Variants in MTMR1 observed in about 807,000 individuals in gnomAD.
The protein encoded by MTMR1 is phosphatidylinositol-3-phosphate phosphatase MTMR1.
MTMR1 carries 17 observed loss-of-function variants against 51.6 expected under a neutral mutation model. That is an observed-to-expected ratio of 0.33 (90% CI 0.23 to 0.49). The LOEUF (loss-of-function observed/expected upper bound fraction) is 0.49. Among genes scored for constraint, MTMR1 ranks in the 20% least tolerant of loss-of-function variants. The pLI, the probability that MTMR1 is intolerant of heterozygous loss-of-function variation, is 0.99. For missense variants in MTMR1, 386 were observed against 526.9 expected, an observed-to-expected ratio of 0.73 and a Z score of 2.62; for synonymous variants, 201 against 205.6, an observed-to-expected ratio of 0.98 and a Z score of 0.19.
In MTMR1 at chrX:150,764,282, C is replaced by T. The variant is rs189468726; in HGVS notation, c.*1553C>T. ...TTAACTGGGAACCTCCTGATTCTTA[C>T]GGAAAATTATCCTTCTATAAGAAGA... is the stretch of plus-strand genomic sequence containing the variant. On this transcript the variant is annotated 3_prime_UTR_variant, in exon 16 of 16. Coordinates refer to ENST00000445323, the MANE Select transcript of MTMR1 (RefSeq NM_001306144.3). 1.1e-3 allele frequency: 119 copies of T among 112,144 alleles called. No homozygotes were observed. The highest frequency in any genetic ancestry group is 3.5e-3 in the African/African-American group (108 of 30,845). 9.2% of individuals were successfully genotyped at this position (112,144 alleles called of 1,213,427 possible).
intron 8 of MTMR1, among the ~76,000 whole-genome samples, chrX:150,730,810 C>T (rs896469626): frequency 8.9e-6 from 1 of 112,065 alleles, no homozygotes; most frequent in African/African-American, 3.2e-5. Flanking sequence ...GTTTGTTCAT[C>T]CTGTTTCCAG....
chrX:150,714,935 T>C (rs1569565652), intron 3 of MTMR1, among the ~76,000 whole-genome samples: 1 of 112,065 alleles, frequency 8.9e-6, no homozygotes, highest in Non-Finnish European at 1.9e-5. Flanking sequence ...CATGTAGATA[T>C]TTGTGGAATT....
At chrX:150,744,275 G>A (rs1470156746) in intron 12 of MTMR1, 86 bp from the exon 13 acceptor site, 2 of 708,582 alleles carry the variant, frequency 2.8e-6, no homozygotes, top group African/African-American at 4.3e-5. Flanking sequence ...CTGATGAGAT[G>A]TGATTCTTAC....
In MTMR1 at chrX:150,760,859, G is replaced by A. The variant is rs72612724; in HGVS notation, c.1858-1706G>A. Among the ~76,000 whole-genome samples, 164 of 109,191 alleles carry A rather than the reference G, an allele frequency of 1.5e-3. No individual in the cohort carries two copies. In the East Asian group the frequency reaches 0.029, roughly 20 times the overall value. 94.8% of individuals were successfully genotyped at this position (109,191 alleles called of 115,157 possible). On this transcript the variant is annotated intron_variant, in intron 15 of 15. Transcript: ENST00000445323. ...GGAGAATCGCTTGAATTCGGGAGGC[G>A]GAGGTTGCAGTGAGCTGAGATCGTG...
At chrX:150,760,261 C>G (rs1389467529) in intron 15 of MTMR1, among the ~76,000 whole-genome samples, 2 of 102,675 alleles carry the variant, frequency 1.9e-5, no homozygotes, top group Non-Finnish European at 4.1e-5. Flanking sequence ...GTGTGGGTGT[C>G]CAGTGACAGG....
chrX:150,749,709 G>A (rs782621791), intron 13 of MTMR1, among the ~76,000 whole-genome samples: 9 of 112,432 alleles, frequency 8.0e-5, no homozygotes, highest in African/African-American at 2.9e-4. Context: ...GTGAATTACA[G>A]TAATTGATTT....
At chrX:150,761,395 C>T (rs1470900069) in intron 15 of MTMR1, among the ~76,000 whole-genome samples, 1 of 112,380 alleles carries the variant, frequency 8.9e-6, no homozygotes, top group Non-Finnish European at 1.9e-5. Context: ...ATCCTCCTTC[C>T]GTCTCCCCCT....
At position 150,764,401 on chromosome X, in the gene MTMR1, A is replaced by G. The variant is rs1167415972; in HGVS notation, c.*1672A>G. Reference sequence around the variant, plus strand: ...GATTTGTTGCTAAGTCGTGTTCAACAATAGCTTTTATGTTCCTAACATATC... The same window carrying G: ...GATTTGTTGCTAAGTCGTGTTCAACGATAGCTTTTATGTTCCTAACATATC... On this transcript the variant is annotated 3_prime_UTR_variant, in exon 16 of 16. Transcript: ENST00000445323. 5.3e-5 allele frequency: 6 copies of G among 112,342 alleles called. No homozygotes were observed. The highest frequency in any genetic ancestry group is 1.9e-4 in the African/African-American group (6 of 30,850). The allele number at this position is 112,342 out of a possible 1,213,427, so 9.3% of individuals were successfully genotyped here. A position where few individuals can be genotyped will look rare whatever the true frequency, so the allele number is the denominator to read the frequency against.
chrX:150,693,944 GC>G (rs1465811384), intron 1 of MTMR1, among the ~76,000 whole-genome samples: 7 of 111,470 alleles, frequency 6.3e-5, no homozygotes, highest in African/African-American at 2.3e-4. Context: ...CCCGGGAGGG[GC>G]TTCGCAGCTG....
intron 15 of MTMR1, among the ~76,000 whole-genome samples, chrX:150,758,795 C>CA (rs1265592050): frequency 0.025 from 1,646 of 65,519 alleles, 27 homozygotes; most frequent in African/African-American, 0.067. Context: ...GACTCCGTCT[C>CA]AAAAAAAAAA....
At chrX:150,751,107 C>T (rs781986931) in intron 14 of MTMR1, 13 of 1,069,867 alleles carry the variant, frequency 1.2e-5, no homozygotes, top group African/African-American at 3.7e-5. Flanking sequence ...CTCCTGACTC[C>T]GAGTTCATGT....
rs1015513578 is a variant in MTMR1 at position 150,764,716 on chromosome X, T to C, written c.*1987T>C. On this transcript the variant is annotated 3_prime_UTR_variant, in exon 16 of 16. Coordinates refer to ENST00000445323, the MANE Select transcript of MTMR1 (RefSeq NM_001306144.3). Reference sequence around the variant, plus strand: ...GATTTTAAAGAAGCACAACGGGTCATTTTCCTTTGTATGTTCCTAGCGCAG... The same window carrying C: ...GATTTTAAAGAAGCACAACGGGTCACTTTCCTTTGTATGTTCCTAGCGCAG... The C allele has an allele frequency of 8.9e-6, 1 of 112,366 alleles. No homozygotes were observed. Among genetic ancestry groups the C allele is most frequent in the African/African-American group, 3.2e-5 (1 of 30,867 alleles). 9.3% of individuals were successfully genotyped at this position (112,366 alleles called of 1,213,427 possible). A position where few individuals can be genotyped will look rare whatever the true frequency, so the allele number is the denominator to read the frequency against.
intron 3 of MTMR1, chrX:150,714,564 A>G: frequency 1.1e-6 from 1 of 946,719 alleles, no homozygotes; most frequent in Non-Finnish European, 1.4e-6. Flanking sequence ...GTTTGTAGCT[A>G]CAGATCGTGT....
chrX:150,713,510 T>C (rs1247421092), intron 3 of MTMR1, among the ~76,000 whole-genome samples: 1 of 111,908 alleles, frequency 8.9e-6, no homozygotes, highest in Non-Finnish European at 1.9e-5. Flanking sequence ...GCTTTACTAG[T>C]TCTTCACTGG....
At chrX:150,758,939 C>A (rs1474903344) in intron 15 of MTMR1, among the ~76,000 whole-genome samples, 1 of 112,438 alleles carries the variant, frequency 8.9e-6, no homozygotes, top group Non-Finnish European at 1.9e-5. Flanking sequence ...CAGATGAGAA[C>A]TGAGTTTGAA....
intron 2 of MTMR1, among the ~76,000 whole-genome samples, chrX:150,707,463 C>T (rs369679505): frequency 2.2e-3 from 246 of 112,456 alleles, no homozygotes; most frequent in African/African-American, 7.0e-3. Context: ...ATACACATGG[C>T]AGGTAAGCAC....
intron 10 of MTMR1, among the ~76,000 whole-genome samples, chrX:150,734,689 A>T (rs1469106805): frequency 4.4e-5 from 5 of 112,634 alleles, no homozygotes; most frequent in African/African-American, 1.6e-4. Flanking sequence ...ATGGCAGTAT[A>T]TGTGTCTAGG....
intron 15 of MTMR1, among the ~76,000 whole-genome samples, chrX:150,756,477 C>T (rs2042906599): frequency 9.0e-6 from 1 of 111,437 alleles, no homozygotes; most frequent in Admixed American, 9.5e-5. Context: ...GCTGCGGGTT[C>T]CTGAAGGGCT....
In MTMR1 at chrX:150,698,618, CT is replaced by C. The variant is rs1569565615; in HGVS notation, c.147-576del. Among the ~76,000 whole-genome samples the C allele has an allele frequency of 2.1e-4, 23 of 108,607 alleles. No individual in the cohort carries two copies. In the East Asian group the frequency reaches 5.5e-3, roughly 26 times the overall value. The allele number at this position is 108,607 out of a possible 115,157, so 94.3% of individuals were successfully genotyped here. ...TTGGGAGGCTAAGGCGGGTGGGTCA[CT>C]CGAGCCCAGGAATTCGAGACTAGCC... On this transcript the variant is annotated intron_variant, in intron 1 of 15. Transcript: ENST00000445323.
Sources: allele counts gnomAD v4.1 joint callset (sites outside exome capture counted in the v4.1 genomes callset), GRCh38; gene constraint gnomAD v4.1.1; transcripts MANE v1.5; gene names NCBI Gene and HGNC (gene_info 2026-07-23, HGNC 2026-07-21).